Variants in SLX4IP observed in about 807,000 individuals in gnomAD.
The protein encoded by SLX4IP is SLX4 interacting protein, also known as protein SLX4IP.
In SLX4IP, 34 loss-of-function variants were observed where a neutral mutation model predicts 32.9. The observed-to-expected ratio is 1.03, with a 90% CI of 0.79 to 1.38. The LOEUF (loss-of-function observed/expected upper bound fraction) is 1.38. Ranked by LOEUF, SLX4IP falls within the 40% of genes most tolerant of loss-of-function variation. The pLI is 0.00. For missense variants in SLX4IP, 444 were observed against 479.0 expected (o/e 0.93, Z 0.68); for synonymous variants, 172 against 171.7 (o/e 1.00, Z -0.01).
intron 2 of SLX4IP, among the ~76,000 whole-genome samples, chr20:10,510,139 C>T (rs2065794256): frequency 6.6e-6 from 1 of 152,044 alleles, no homozygotes; most frequent in Admixed American, 6.5e-5. Flanking sequence ...GGAAGAATAA[C>T]AATATAATTT....
chr20:10,488,068 TG>T (rs2065589758), intron 2 of SLX4IP, among the ~76,000 whole-genome samples: 7 of 87,082 alleles, frequency 8.0e-5, no homozygotes, highest in African/African-American at 3.0e-4. Flanking sequence ...TTGGGAGACC[TG>T]GGTTCTCTCC....
intron 2 of SLX4IP, among the ~76,000 whole-genome samples, chr20:10,526,432 T>C (rs1486112240): frequency 6.6e-6 from 1 of 152,218 alleles, no homozygotes. Flanking sequence ...TATAATTCAT[T>C]AACAAGTAAA....
intron 2 of SLX4IP, among the ~76,000 whole-genome samples, chr20:10,485,339 A>G (rs1396165809): frequency 6.6e-6 from 1 of 152,122 alleles, no homozygotes; most frequent in African/African-American, 2.4e-5. Flanking sequence ...ATGGTGGTTC[A>G]TGCCTGTAAA....
intron 3 of SLX4IP, among the ~76,000 whole-genome samples, chr20:10,558,438 G>C (rs142269384): frequency 1.3e-5 from 2 of 151,996 alleles, no homozygotes; most frequent in Admixed American, 6.6e-5. Flanking sequence ...TTGAAGAAAG[G>C]CTATGACTTT....
At chr20:10,539,983 T>C (rs990275884) in intron 2 of SLX4IP, among the ~76,000 whole-genome samples, 4 of 152,222 alleles carry the variant, frequency 2.6e-5, no homozygotes, top group African/African-American at 9.6e-5. Flanking sequence ...AGTCTGTTAG[T>C]AACGCACATT....
intron 4 of SLX4IP, among the ~76,000 whole-genome samples, chr20:10,597,265 G>T (rs1457604959): frequency 6.6e-6 from 1 of 152,176 alleles, no homozygotes; most frequent in Non-Finnish European, 1.5e-5. Context: ...TGACAGAGGG[G>T]GACCCTCACC....
In SLX4IP at chr20:10,472,230, T is replaced by A. The variant is rs181030153; in HGVS notation, c.27+13999T>A. Among the ~76,000 whole-genome samples, 22 of 131,606 alleles carry A rather than the reference T, an allele frequency of 1.7e-4. No individual in the cohort carries two copies. In the East Asian group the frequency reaches 5.6e-3, roughly 34 times the overall value. The allele number at this position is 131,606 out of a possible 152,430, so 86.3% of individuals were successfully genotyped here. On this transcript the variant is annotated intron_variant, in intron 2 of 7. Coordinates refer to ENST00000334534, the MANE Select transcript of SLX4IP (RefSeq NM_001009608.3). ...GTCAAACTCTACATTTCCGTAATAC[T>A]ATACTTTTTTTTTTTTTTGAGATGG...
intron 2 of SLX4IP, among the ~76,000 whole-genome samples, chr20:10,492,776 T>C (rs1339337049): frequency 1.3e-5 from 2 of 152,214 alleles, no homozygotes; most frequent in Non-Finnish European, 2.9e-5. Context: ...ATTTAGTTCT[T>C]TAATTCATCT....
chr20:10,515,568 T>A (rs2065843341), intron 2 of SLX4IP, among the ~76,000 whole-genome samples: 1 of 152,220 alleles, frequency 6.6e-6, no homozygotes, highest in Admixed American at 6.5e-5. Context: ...CCAAATGAGA[T>A]CCAGTCAAAA....
At chr20:10,558,556 A>G (rs1315533407) in intron 3 of SLX4IP, among the ~76,000 whole-genome samples, 6 of 152,192 alleles carry the variant, frequency 3.9e-5, no homozygotes, top group African/African-American at 1.4e-4. Context: ...GTCATTTTAT[A>G]CAGTGAAAGC....
intron 4 of SLX4IP, among the ~76,000 whole-genome samples, chr20:10,593,244 T>C (rs1163940090): frequency 1.3e-5 from 2 of 152,238 alleles, no homozygotes; most frequent in Non-Finnish European, 2.9e-5. Flanking sequence ...TACAAATCCA[T>C]AATTTTATTT....
chr20:10,618,422 G>A (rs951946238), intron 6 of SLX4IP, among the ~76,000 whole-genome samples: 9 of 152,206 alleles, frequency 5.9e-5, no homozygotes, highest in Non-Finnish European at 1.2e-4. Context: ...CAAAATAGGA[G>A]GTAGGGTGGA....
intron 2 of SLX4IP, among the ~76,000 whole-genome samples, chr20:10,553,812 C>G (rs2066241701): frequency 1.3e-5 from 2 of 152,182 alleles, no homozygotes; most frequent in Non-Finnish European, 2.9e-5. Context: ...TTGCAACACA[C>G]TAAACTGTAA....
At chr20:10,479,960 C>T (rs1194689120) in intron 2 of SLX4IP, among the ~76,000 whole-genome samples, 2 of 151,956 alleles carry the variant, frequency 1.3e-5, no homozygotes, top group East Asian at 2.0e-4. Context: ...GCCAAGATGG[C>T]GCCATTGCAC....
chr20:10,497,118 C>T (rs1482795419), intron 2 of SLX4IP, among the ~76,000 whole-genome samples: 1 of 152,066 alleles, frequency 6.6e-6, no homozygotes, highest in Admixed American at 6.6e-5. Context: ...CATTTTCTCC[C>T]AGTGATAAAC....
chr20:10,471,894 G>T (rs777495366), intron 2 of SLX4IP, among the ~76,000 whole-genome samples: 1 of 152,088 alleles, frequency 6.6e-6, no homozygotes, highest in Non-Finnish European at 1.5e-5. Context: ...CAGTAATCTG[G>T]CTTGAGCTCC....
chr20:10,606,457 G>C (rs187464427), intron 6 of SLX4IP, among the ~76,000 whole-genome samples: 3 of 152,248 alleles, frequency 2.0e-5, no homozygotes, highest in Admixed American at 2.0e-4. Context: ...ATCTATCATA[G>C]AGTTAAAAAA....
At chr20:10,539,091 T>A (rs2122475334) in intron 2 of SLX4IP, among the ~76,000 whole-genome samples, 1 of 152,318 alleles carries the variant, frequency 6.6e-6, no homozygotes, top group African/African-American at 2.4e-5. Context: ...ACCATAAAAC[T>A]TTATTTCATA....
rs1275579663 is a variant in SLX4IP, at chr20:10,547,682, CA to C, written c.28-8548del. On this transcript the variant is annotated intron_variant, in intron 2 of 7. Coordinates refer to ENST00000334534, the MANE Select transcript of SLX4IP (RefSeq NM_001009608.3). The stretch of plus-strand genomic sequence containing the variant: ...ACCTGGGGCAACCTTAGTTGTAAAC[CA>C]TTAGCTTGATTCTGCAGTGTTTTTT... Among the ~76,000 whole-genome samples, 5 of 152,284 alleles carry C rather than the reference CA, an allele frequency of 3.3e-5. No individual in the cohort carries two copies. The East Asian group carries it at 9.6e-4, about 29-fold the overall frequency.
Sources: gnomAD v4.1 joint callset for allele counts (sites outside exome capture counted in the v4.1 genomes callset) on GRCh38, gnomAD v4.1.1 for gene constraint, MANE v1.5 for transcripts, NCBI Gene and HGNC (gene_info 2026-07-23, HGNC 2026-07-21) for gene names.